Variants in FGF12 observed in about 807,000 individuals in gnomAD.
FGF12 encodes fibroblast growth factor 12B.
In FGF12, 14 loss-of-function variants were observed where a neutral mutation model predicts 23.6. The observed-to-expected ratio is 0.59, with a 90% CI of 0.39 to 0.93. The LOEUF (loss-of-function observed/expected upper bound fraction) is 0.93, where lower values mean the gene tolerates loss of function less well. FGF12 is among the 40% of genes least tolerant of loss of function. The pLI is 0.00. For synonymous variants in FGF12, 62 were observed against 77.3 expected (o/e 0.80, Z 1.04); for missense variants, 175 against 217.8 (o/e 0.80, Z 1.24).
At chr3:192,390,240 C>T (rs1720234112) in intron 2 of FGF12, among the ~76,000 whole-genome samples, 1 of 152,220 alleles carries the variant, frequency 6.6e-6, no homozygotes, top group African/African-American at 2.4e-5. Flanking sequence ...ACCGCCTACA[C>T]TTACTGCCTA....
At chr3:192,172,413 G>GA (rs1347144387) in intron 4 of FGF12, among the ~76,000 whole-genome samples, 1 of 149,892 alleles carries the variant, frequency 6.7e-6, no homozygotes, top group Non-Finnish European at 1.5e-5. Flanking sequence ...AAAAGTCCAA[G>GA]AAAACACCCC....
At chr3:192,616,966 C>A (rs1418181501) in intron 2 of FGF12, among the ~76,000 whole-genome samples, 1 of 151,822 alleles carries the variant, frequency 6.6e-6, no homozygotes, top group Non-Finnish European at 1.5e-5. Flanking sequence ...ATAAAAATGA[C>A]CTTCAAATAC....
At chr3:192,413,811 G>T (rs1453672023) in intron 2 of FGF12, among the ~76,000 whole-genome samples, 1 of 152,204 alleles carries the variant, frequency 6.6e-6, no homozygotes, top group East Asian at 1.9e-4. Flanking sequence ...GTGAATATGA[G>T]CTCACTGGGC....
Position 192,336,187 on chromosome 3 carries a change from T to C in FGF12, c.125-723A>G, listed in dbSNP as rs1717407443. Among the ~76,000 whole-genome samples, 1 of 149,706 alleles carries C rather than the reference T, an allele frequency of 6.7e-6. No individual in the cohort carries two copies. ...ATATATACAAATATATATACACATA[T>C]ATATATGCACACACACACACATATA... On this transcript the variant is annotated intron_variant, in intron 3 of 5. Transcript: ENST00000445105. The surrounding 1 kb of genome is among the most constrained non-coding windows in gnomAD (Gnocchi z 4.3).
intron 2 of FGF12, among the ~76,000 whole-genome samples, chr3:192,686,897 CG>C (rs1456429222): frequency 1.6e-5 from 2 of 127,910 alleles, no homozygotes; most frequent in Non-Finnish European, 3.1e-5. Context: ...GGTGCCATCT[CG>C]GCTCACTGCA....
chr3:192,505,400 A>G (rs570721150), intron 2 of FGF12, among the ~76,000 whole-genome samples: 49 of 152,352 alleles, frequency 3.2e-4, no homozygotes, highest in African/African-American at 1.2e-3. Flanking sequence ...CAAATATTTC[A>G]ATATATGTAC....
At chr3:192,309,100 T>C (rs1270836508) in intron 4 of FGF12, among the ~76,000 whole-genome samples, 1 of 152,224 alleles carries the variant, frequency 6.6e-6, no homozygotes, top group Non-Finnish European at 1.5e-5. Flanking sequence ...TATCACATAA[T>C]TTTAAAGCAA....
chr3:192,360,972 C>T lies in FGF12; in HGVS notation c.14-434G>A, dbSNP rs925955055. On this transcript the variant is annotated intron_variant, in intron 2 of 5. Coordinates refer to ENST00000445105, the MANE Select transcript of FGF12 (RefSeq NM_004113.6). The surrounding 1 kb of genome is among the most constrained non-coding windows in gnomAD (Gnocchi z 4.3). ...TCTATCTCTGCAGGATGTCAGCTCT[C>T]CATCAGAAGTTCCTGGGTTTTGAAT... Among the ~76,000 whole-genome samples the T allele has an allele frequency of 6.6e-6, 1 of 151,994 alleles. No homozygotes were observed. Among genetic ancestry groups the T allele is most frequent in the East Asian group, 1.9e-4 (1 of 5,180 alleles).
At chr3:192,414,636 T>C (rs1379676371) in intron 2 of FGF12, among the ~76,000 whole-genome samples, 2 of 152,164 alleles carry the variant, frequency 1.3e-5, no homozygotes, top group Non-Finnish European at 2.9e-5. Context: ...AAGCTGAGAC[T>C]CCAATAAGTA....
At chr3:192,523,441 A>G (rs1033022977) in intron 2 of FGF12, among the ~76,000 whole-genome samples, 3 of 152,238 alleles carry the variant, frequency 2.0e-5, no homozygotes, top group Admixed American at 6.5e-5. Flanking sequence ...TGACATTGGG[A>G]AAAATAGTTA....
intron 4 of FGF12, among the ~76,000 whole-genome samples, chr3:192,227,824 G>A (rs777134311): frequency 2.0e-5 from 3 of 152,068 alleles, no homozygotes; most frequent in Non-Finnish European, 4.4e-5. Context: ...AGCAACTTCA[G>A]CAAAAAATAG....
At chr3:192,216,961 G>A (rs1268627781) in intron 4 of FGF12, among the ~76,000 whole-genome samples, 2 of 152,296 alleles carry the variant, frequency 1.3e-5, no homozygotes, top group South Asian at 4.2e-4. Context: ...GAAACTTGAT[G>A]TTTCTAATGT....
chr3:192,164,304 A>T (rs1354791710), intron 5 of FGF12, among the ~76,000 whole-genome samples: 1 of 152,204 alleles, frequency 6.6e-6, no homozygotes, highest in South Asian at 2.1e-4. Context: ...CCAAAATTCC[A>T]GGGGAGGGGA....
chr3:192,428,621 T>C (rs1314810537), intron 2 of FGF12, among the ~76,000 whole-genome samples: 3 of 152,148 alleles, frequency 2.0e-5, no homozygotes, highest in Non-Finnish European at 4.4e-5. Context: ...CTTCGGAAGA[T>C]GGTAGAAGGA....
chr3:192,355,921 T>C (rs1262305929), intron 3 of FGF12, among the ~76,000 whole-genome samples: 1 of 152,202 alleles, frequency 6.6e-6, no homozygotes, highest in Admixed American at 6.5e-5. Context: ...CCATCATGTC[T>C]CAGTGGCTTT....
rs367978302 is a variant in FGF12 at position 192,310,813 on chromosome 3, T to C, written c.228+24548A>G. Among the ~76,000 whole-genome samples the C allele has an allele frequency of 2.7e-4, 41 of 152,276 alleles. No homozygotes were observed. In the South Asian group the frequency reaches 3.3e-3, roughly 12 times the overall value. ...TAGGAAAACTCTTAATCAGGAAAAC[T>C]CTTCTTGCATAGTAGTCTTCTGTGG... is the stretch of plus-strand genomic sequence containing the variant. On this transcript the variant is annotated intron_variant, in intron 4 of 5. Coordinates refer to ENST00000445105, the MANE Select transcript of FGF12 (RefSeq NM_004113.6).
intron 5 of FGF12, among the ~76,000 whole-genome samples, chr3:192,157,426 G>C (rs750592328): frequency 3.9e-5 from 6 of 152,190 alleles, no homozygotes; most frequent in Non-Finnish European, 7.3e-5. Context: ...AAAGAGAAAT[G>C]TGAAATATAT....
intron 4 of FGF12, among the ~76,000 whole-genome samples, chr3:192,334,719 T>G (rs73068509): frequency 0.018 from 2,745 of 152,264 alleles, 73 homozygotes; most frequent in African/African-American, 0.052. Context: ...GTGTCCAACA[T>G]GCTCATTTGA....
At chr3:192,217,137 C>A (rs1331457774) in intron 4 of FGF12, among the ~76,000 whole-genome samples, 1 of 152,128 alleles carries the variant, frequency 6.6e-6, no homozygotes, top group African/African-American at 2.4e-5. Context: ...TGGCACTGTG[C>A]AAGTCAATTA....
Sources: gnomAD v4.1 joint callset for allele counts (sites outside exome capture counted in the v4.1 genomes callset) on GRCh38, gnomAD v4.1.1 for gene constraint, Gnocchi (gnomAD v3.1) non-coding constraint, MANE v1.5 for transcripts, NCBI Gene and HGNC (gene_info 2026-07-23, HGNC 2026-07-21) for gene names.